The following FOCAD variants were observed in gnomAD, a reference collection of about 807,000 sequenced individuals.
The protein encoded by FOCAD is KIAA1797.
In FOCAD, 198 loss-of-function variants were observed where a neutral mutation model predicts 225.6. That is an observed-to-expected ratio of 0.88 (90% CI 0.78 to 0.99). The LOEUF is 0.99. Ranked by LOEUF, FOCAD falls within the 50% of genes least tolerant of loss-of-function variation. The pLI is 0.00. For missense variants in FOCAD, 2,713 were observed against 2,123.6 expected, an observed-to-expected ratio of 1.28 and a Z score of -5.46; for synonymous variants, 897 against 755.0, an observed-to-expected ratio of 1.19 and a Z score of -3.08.
intron 1 of FOCAD, among the ~76,000 whole-genome samples, chr9:20,686,699 T>C (rs1471229343): frequency 6.6e-6 from 1 of 152,202 alleles, no homozygotes. Context: ...AGTATTTCTT[T>C]AGGAGATGAG....
intron 22 of FOCAD, among the ~76,000 whole-genome samples, chr9:20,909,747 T>C (rs955603482): frequency 3.3e-5 from 5 of 152,138 alleles, no homozygotes; most frequent in Admixed American, 6.6e-5. Context: ...GATGCATTTA[T>C]GCTTAAACAA....
intron 11 of FOCAD, among the ~76,000 whole-genome samples, chr9:20,810,868 C>A (rs1458394653): frequency 6.6e-6 from 1 of 152,030 alleles, no homozygotes; most frequent in East Asian, 1.9e-4. Context: ...GCAGTATTTC[C>A]TGTGTCTTTC....
chr9:20,958,154 G>T (rs1838372783), intron 35 of FOCAD, among the ~76,000 whole-genome samples: 1 of 152,056 alleles, frequency 6.6e-6, no homozygotes, highest in Non-Finnish European at 1.5e-5. Context: ...ATAGAGTTTT[G>T]TAAGAATTAT....
At chr9:20,946,985 A>G (rs1051325448) in intron 30 of FOCAD, among the ~76,000 whole-genome samples, 165 bp downstream of exon 30, 1 of 152,154 alleles carries the variant, frequency 6.6e-6, no homozygotes, top group African/African-American at 2.4e-5. Context: ...AAAGTCACAG[A>G]TGTCTTTTTC....
At position 20,728,842 on chromosome 9, in the gene FOCAD, G is replaced by T. The variant is rs368939962; in HGVS notation, c.287+8308G>T. On this transcript the variant is annotated intron_variant, in intron 4 of 43. Coordinates refer to ENST00000338382, the MANE Select transcript of FOCAD (RefSeq NM_001375567.1). Reference sequence around the variant, plus strand: ...TGAGCAAAAATGGATTAATTTTTTTGATAAAGGAGTATGTATCTCATAGGA... The same window carrying T: ...TGAGCAAAAATGGATTAATTTTTTTTATAAAGGAGTATGTATCTCATAGGA... 8.5e-5 allele frequency among the ~76,000 whole-genome samples: 13 copies of T among 152,274 alleles called. 1 individual carries two copies. The highest frequency in any genetic ancestry group is 4.8e-5 in the African/African-American group (2 of 41,566).
intron 43 of FOCAD, among the ~76,000 whole-genome samples, chr9:20,994,911 C>G (rs934789679): frequency 2.0e-5 from 3 of 152,038 alleles, no homozygotes; most frequent in African/African-American, 7.2e-5. Flanking sequence ...TCTGGCTTAC[C>G]TACATTCCTT....
At chr9:20,980,106 C>G (rs1002689478) in intron 37 of FOCAD, among the ~76,000 whole-genome samples, 1 of 151,274 alleles carries the variant, frequency 6.6e-6, no homozygotes, top group African/African-American at 2.4e-5. Flanking sequence ...CTAAAATAAC[C>G]TTTATTTATA....
intron 1 of FOCAD, among the ~76,000 whole-genome samples, chr9:20,689,164 G>A (rs1157630620): frequency 6.6e-6 from 1 of 152,176 alleles, no homozygotes; most frequent in Non-Finnish European, 1.5e-5. Flanking sequence ...GAAAAGGATA[G>A]AAATCCTCTG....
chr9:20,950,358 A>G (rs187699131), intron 33 of FOCAD, among the ~76,000 whole-genome samples: 110 of 152,286 alleles, frequency 7.2e-4, no homozygotes, highest in African/African-American at 2.5e-3. Context: ...TCGTTCTTGT[A>G]AAATGTGGCT....
At chr9:20,744,012 A>G (rs1218792343) in intron 5 of FOCAD, among the ~76,000 whole-genome samples, 1 of 152,204 alleles carries the variant, frequency 6.6e-6, no homozygotes, top group Non-Finnish European at 1.5e-5. Flanking sequence ...GCAGAAGCAA[A>G]CAGTGACTGT....
chr9:20,865,624 AC>A (rs1829161390), intron 16 of FOCAD, among the ~76,000 whole-genome samples: 2 of 152,116 alleles, frequency 1.3e-5, no homozygotes, highest in Non-Finnish European at 2.9e-5. Flanking sequence ...GTAGGCTAGA[AC>A]AGTGGCATGA....
intron 6 of FOCAD, among the ~76,000 whole-genome samples, 192 bp downstream of exon 6, chr9:20,758,383 A>T (rs1222964150): frequency 6.6e-6 from 1 of 151,854 alleles, no homozygotes; most frequent in Non-Finnish European, 1.5e-5. Context: ...TTATTATTAT[A>T]CTTTAAGTTT....
chr9:20,938,970 TA>T (rs1416703577), intron 28 of FOCAD, among the ~76,000 whole-genome samples: 1 of 150,532 alleles, frequency 6.6e-6, no homozygotes, highest in African/African-American at 2.4e-5. Flanking sequence ...AAAATTAAAT[TA>T]AAAATTGAAA....
chr9:20,796,962 G>C (rs1420423832), intron 11 of FOCAD, among the ~76,000 whole-genome samples: 1 of 152,140 alleles, frequency 6.6e-6, no homozygotes, highest in Non-Finnish European at 1.5e-5. Flanking sequence ...TAACATTTAA[G>C]TCTTTAATCC....
At chr9:20,703,195 G>T (rs1330040842) in intron 1 of FOCAD, among the ~76,000 whole-genome samples, 2 of 151,938 alleles carry the variant, frequency 1.3e-5, no homozygotes, top group African/African-American at 4.8e-5. Context: ...GGTGGTGGGG[G>T]GATAGGGAAG....
At chr9:20,884,477 A>G (rs1177776690) in intron 20 of FOCAD, among the ~76,000 whole-genome samples, 2 of 151,802 alleles carry the variant, frequency 1.3e-5, no homozygotes, top group Non-Finnish European at 2.9e-5. Context: ...TTGCGTTTTT[A>G]GTAGAGATGG....
chr9:20,813,264 G>A (rs1053196860), intron 11 of FOCAD, among the ~76,000 whole-genome samples: 1 of 152,050 alleles, frequency 6.6e-6, no homozygotes, highest in African/African-American at 2.4e-5. Context: ...TTCATCCCGG[G>A]ATGGACATTT....
At chr9:20,852,413 A>T (rs1217447114) in intron 15 of FOCAD, among the ~76,000 whole-genome samples, 1 of 143,966 alleles carries the variant, frequency 6.9e-6, no homozygotes, top group Non-Finnish European at 1.5e-5. Context: ...GATTTTCCCT[A>T]TTGTTTATCC....
intron 32 of FOCAD, 32 bp from the exon 33 acceptor site, chr9:20,949,572 G>C: frequency 1.9e-6 from 3 of 1,572,010 alleles, no homozygotes; most frequent in Non-Finnish European, 2.6e-6. Flanking sequence ...TATGGGGGTG[G>C]GTGGGATGGG....
Sources: allele counts gnomAD v4.1 joint callset (sites outside exome capture counted in the v4.1 genomes callset), GRCh38; gene constraint gnomAD v4.1.1; transcripts MANE v1.5; gene names NCBI Gene and HGNC (gene_info 2026-07-23, HGNC 2026-07-21).